ANKS1B: variants seen among roughly 807,000 people sequenced by gnomAD.
The protein encoded by ANKS1B is ankyrin repeat and sterile alpha motif domain containing 1B.
A neutral mutation model predicts 148.3 loss-of-function variants in ANKS1B; 36 were observed. The observed-to-expected ratio is 0.24, with a 90% confidence interval of 0.19 to 0.32. The LOEUF (loss-of-function observed/expected upper bound fraction) is 0.32. ANKS1B is among the 10% of genes least tolerant of loss of function. The pLI is 1.00. For missense variants in ANKS1B, 1,157 were observed against 1,542.6 expected (o/e 0.75, Z 4.19); for synonymous variants, 542 against 560.8 (o/e 0.97, Z 0.47).
At chr12:99,744,492 A>G (rs2060406085) in intron 8 of ANKS1B, among the ~76,000 whole-genome samples, 1 of 152,228 alleles carries the variant, frequency 6.6e-6, no homozygotes, top group South Asian at 2.1e-4. Context: ...CTCTGCATTC[A>G]GATTAACTTC....
At chr12:98,817,312 T>C (rs1327048283) in intron 19 of ANKS1B, among the ~76,000 whole-genome samples, 1 of 152,078 alleles carries the variant, frequency 6.6e-6, no homozygotes, top group Non-Finnish European at 1.5e-5. Context: ...TGGGATGAAA[T>C]GAGACCTGTC....
At chr12:99,028,990 T>G (rs1295899439) in intron 17 of ANKS1B, among the ~76,000 whole-genome samples, 1 of 152,156 alleles carries the variant, frequency 6.6e-6, no homozygotes, top group Non-Finnish European at 1.5e-5. Context: ...ACCAAGTTCA[T>G]TAATAAAAAG....
intron 1 of ANKS1B, among the ~76,000 whole-genome samples, chr12:99,951,299 T>C (rs2095216036): frequency 6.6e-6 from 1 of 152,222 alleles, no homozygotes; most frequent in South Asian, 2.1e-4. Context: ...GAGACTTACA[T>C]CCACCGGTAC....
At chr12:99,571,007 C>T (rs1289934894) in intron 9 of ANKS1B, among the ~76,000 whole-genome samples, 1 of 151,984 alleles carries the variant, frequency 6.6e-6, no homozygotes, top group Non-Finnish European at 1.5e-5. Flanking sequence ...TAAAAGAAAA[C>T]TCCATAAGGC....
intron 16 of ANKS1B, among the ~76,000 whole-genome samples, chr12:99,056,026 G>A (rs1400178825): frequency 6.6e-6 from 1 of 152,148 alleles, no homozygotes; most frequent in East Asian, 1.9e-4. Context: ...TTGGTGGGAG[G>A]ATGAAAGACA....
rs558882342 is a variant in ANKS1B at position 99,422,179 on chromosome 12, T to A, written c.1575+21494A>T. On this transcript the variant is annotated intron_variant, in intron 11 of 26. Coordinates refer to ENST00000683438, the MANE Select transcript of ANKS1B (RefSeq NM_001352186.2). ...AGCAAAACATAAAGATGGATGTTAA[T>A]GTGCCCTGGTGCAATGGCATCACCA... is the stretch of plus-strand genomic sequence containing the variant. Among the ~76,000 whole-genome samples, 3 of 152,334 alleles carry A rather than the reference T, an allele frequency of 2.0e-5. No homozygotes were observed. The East Asian group carries it at 5.8e-4, about 29-fold the overall frequency.
rs1039220038 is a variant in ANKS1B at position 99,592,072 on chromosome 12, A to ATAAG, written c.1272+62991_1272+62994dup. Among the ~76,000 whole-genome samples, 21 of 152,210 alleles carry ATAAG rather than the reference A, an allele frequency of 1.4e-4. 1 individual carries two copies. The highest frequency in any genetic ancestry group is 5.1e-4 in the African/African-American group (21 of 41,462). ...TCACATTTCCAAAGAAACTCTGTGA[A>ATAAG]TAAGTACAGCATGCTATTATACTTT... On this transcript the variant is annotated intron_variant, in intron 9 of 26. Transcript: ENST00000683438.
At chr12:98,925,878 C>T (rs2099807433) in intron 17 of ANKS1B, among the ~76,000 whole-genome samples, 1 of 152,038 alleles carries the variant, frequency 6.6e-6, no homozygotes, top group Non-Finnish European at 1.5e-5. Context: ...ATAGCCCTGA[C>T]CCCAGCTAAT....
chr12:98,801,421 T>C lies in ANKS1B; in HGVS notation c.3142-296A>G, dbSNP rs1209427452. On this transcript the variant is annotated intron_variant, in intron 20 of 26. Transcript: ENST00000683438. This position sits in a 1 kb window ranked among gnomAD's most constrained non-coding sequence, Gnocchi z 5.2. ...TTCATAAATGATTTACTAATCACAATTTTCCATCACAACAGCAAAGGACAC... is the reference window on the plus strand; with the variant it reads ...TTCATAAATGATTTACTAATCACAACTTTCCATCACAACAGCAAAGGACAC... 6.6e-6 allele frequency among the ~76,000 whole-genome samples: 1 copy of C among 152,220 alleles called. No homozygotes were observed. Among genetic ancestry groups the C allele is most frequent in the Non-Finnish European group, 1.5e-5 (1 of 68,036 alleles).
chr12:99,486,455 CTTATTTATTTAT>C (rs145790526), intron 10 of ANKS1B, among the ~76,000 whole-genome samples: 2,220 of 146,914 alleles, frequency 0.015, 41 homozygotes, highest in African/African-American at 0.05. Flanking sequence ...ATGGCATGTG[CTTATTTATTTAT>C]TTATTTATTT....
At chr12:99,513,806 C>A (rs2096789898) in intron 9 of ANKS1B, among the ~76,000 whole-genome samples, 1 of 152,042 alleles carries the variant, frequency 6.6e-6, no homozygotes, top group Non-Finnish European at 1.5e-5. Context: ...TCCAAAGTAT[C>A]TTCTTTGTCT....
chr12:99,734,230 T>C (rs375165184), intron 8 of ANKS1B, among the ~76,000 whole-genome samples: 3 of 152,264 alleles, frequency 2.0e-5, no homozygotes, highest in East Asian at 1.9e-4. Context: ...CTTGTCTTTC[T>C]TCCTTCCCAT....
At position 99,961,175 on chromosome 12, in the gene ANKS1B, G is replaced by A. The variant is rs183167862; in HGVS notation, c.134+22929C>T. Among the ~76,000 whole-genome samples the A allele has an allele frequency of 2.5e-3, 375 of 152,248 alleles. 1 individual carries two copies. The highest frequency in any genetic ancestry group is 8.3e-3 in the African/African-American group (344 of 41,530). On this transcript the variant is annotated intron_variant, in intron 1 of 26. Coordinates refer to ENST00000683438, the MANE Select transcript of ANKS1B (RefSeq NM_001352186.2). ...ACCCAGGAGGCAGAGGTTGCAGTGA[G>A]CCCAGATTGTGCCACTGCACTCCAG...
At position 98,745,713 on chromosome 12, in the gene ANKS1B, C is replaced by T. The variant is rs374472453; in HGVS notation, c.*26G>A. ...CCGGGACCGCTTGGCGAGCAAGGCA[C>T]CGCGAGGACAGGAGGACGGCGAGTA... On this transcript the variant is annotated 3_prime_UTR_variant, in exon 27 of 27. Transcript: ENST00000683438. 6 of 1,611,160 alleles carry T rather than the reference C, an allele frequency of 3.7e-6. No homozygotes were observed. In the African/African-American group the frequency reaches 8.0e-5, roughly 22 times the overall value.
intron 15 of ANKS1B, among the ~76,000 whole-genome samples, chr12:99,099,040 C>T (rs1212661530): frequency 3.3e-5 from 5 of 152,102 alleles, no homozygotes; most frequent in African/African-American, 1.2e-4. Context: ...CAGAGACCCT[C>T]TTCATTGGTC....
chr12:99,300,330 A>G (rs2081429672), intron 12 of ANKS1B, among the ~76,000 whole-genome samples: 2 of 145,926 alleles, frequency 1.4e-5, no homozygotes, highest in African/African-American at 2.6e-5. Flanking sequence ...TAGAAGGATA[A>G]TTATAGATAA....
intron 1 of ANKS1B, among the ~76,000 whole-genome samples, chr12:99,900,505 CAA>C (rs71303560): frequency 1.4e-5 from 1 of 70,734 alleles, no homozygotes. Flanking sequence ...GACTCCATCT[CAA>C]AAAAAAAAAA....
intron 10 of ANKS1B, among the ~76,000 whole-genome samples, chr12:99,498,176 C>CCCGCT (rs1452088869): frequency 1.3e-5 from 2 of 152,262 alleles, no homozygotes. Flanking sequence ...AATGAATCTT[C>CCCGCT]CCGCTTTCAA....
intron 9 of ANKS1B, among the ~76,000 whole-genome samples, chr12:99,521,800 A>G (rs1248808997): frequency 2.0e-5 from 3 of 152,148 alleles, no homozygotes; most frequent in Admixed American, 6.5e-5. Context: ...CCCTGTGGCC[A>G]CAGCCATTGA....
Sources: gnomAD v4.1 joint callset for allele counts (sites outside exome capture counted in the v4.1 genomes callset) on GRCh38, gnomAD v4.1.1 for gene constraint, Gnocchi (gnomAD v3.1) non-coding constraint, MANE v1.5 for transcripts, NCBI Gene and HGNC (gene_info 2026-07-23, HGNC 2026-07-21) for gene names.